MAGI2: variants seen among roughly 807,000 people sequenced by gnomAD.
MAGI2 encodes membrane associated guanylate kinase, WW and PDZ domain containing 2.
MAGI2 carries 35 observed loss-of-function variants against 133.3 expected under a neutral mutation model. The observed-to-expected ratio is 0.26, with a 90% confidence interval of 0.20 to 0.35. The LOEUF (loss-of-function observed/expected upper bound fraction) is 0.35. MAGI2 is among the 10% of genes least tolerant of loss of function. The probability of loss-of-function intolerance (pLI) is 1.00; values close to 1 mark genes in which losing one functional copy is unlikely to be tolerated. For synonymous variants in MAGI2, 729 were observed against 710.6 expected, an observed-to-expected ratio of 1.03 and a Z score of -0.41; for missense variants, 1,636 against 1,863.4, an observed-to-expected ratio of 0.88 and a Z score of 2.25.
chr7:78,996,672 A>G (rs1449745680), intron 2 of MAGI2, among the ~76,000 whole-genome samples: 3 of 152,178 alleles, frequency 2.0e-5, no homozygotes, highest in Admixed American at 6.5e-5. Flanking sequence ...AAAAGTTAAT[A>G]AAGAAAAATA....
At chr7:78,241,943 A>G (rs1438763309) in intron 10 of MAGI2, among the ~76,000 whole-genome samples, 2 of 151,682 alleles carry the variant, frequency 1.3e-5, no homozygotes. Context: ...CAAAAAAAAA[A>G]AAAGATTTCA....
At chr7:79,295,001 G>A (rs1219787061) in intron 1 of MAGI2, among the ~76,000 whole-genome samples, 1 of 151,818 alleles carries the variant, frequency 6.6e-6, no homozygotes, top group African/African-American at 2.4e-5. Flanking sequence ...GCCTCCCAAA[G>A]TGCTGGGATT....
In MAGI2 at chr7:78,216,293, T is replaced by A. The variant is rs190417275; in HGVS notation, c.2048-15100A>T. 2.0e-5 allele frequency among the ~76,000 whole-genome samples: 3 copies of A among 152,328 alleles called. No individual in the cohort carries two copies. In the East Asian group the frequency reaches 5.8e-4, roughly 29 times the overall value. ...TGCATCTGAGTAATTCACTGTCAGG[T>A]CCTGCCTGGCCTACTGCAGCCAACC... On this transcript the variant is annotated intron_variant, in intron 10 of 21. Transcript: ENST00000354212.
intron 2 of MAGI2, among the ~76,000 whole-genome samples, chr7:78,959,555 C>T (rs1335488821): frequency 3.9e-5 from 6 of 152,074 alleles, no homozygotes; most frequent in South Asian, 4.1e-4. Flanking sequence ...ACACAGGCTA[C>T]GTCATTGAAG....
At chr7:78,342,758 A>T (rs1381897941) in intron 9 of MAGI2, among the ~76,000 whole-genome samples, 2 of 152,192 alleles carry the variant, frequency 1.3e-5, no homozygotes, top group East Asian at 3.9e-4. Flanking sequence ...GAGTTGAACA[A>T]TGAGAACACA....
intron 1 of MAGI2, among the ~76,000 whole-genome samples, chr7:79,073,155 T>C (rs1024980467): frequency 1.3e-5 from 2 of 152,204 alleles, no homozygotes; most frequent in Non-Finnish European, 2.9e-5. Context: ...AATTAAACCC[T>C]TGGGGCCAAG....
chr7:78,417,756 T>C (rs17417090), intron 6 of MAGI2, among the ~76,000 whole-genome samples: 39,560 of 152,066 alleles, frequency 0.26, 5,165 homozygotes, highest in South Asian at 0.29. Context: ...TTCAATAGGT[T>C]GGATAAATTG....
rs568046503 is a variant in MAGI2 at position 78,400,070 on chromosome 7, T to C, written c.1046-30857A>G. Among the ~76,000 whole-genome samples the C allele has an allele frequency of 8.2e-4, 125 of 152,340 alleles. 6 individuals are homozygous for C. The South Asian group carries it at 0.025, about 31-fold the overall frequency. ...TTGTTCATAAATACCTGATTGCATTTGATTTGTGCAGTTTTCTGCCTCACC... is the reference window on the plus strand; with the variant it reads ...TTGTTCATAAATACCTGATTGCATTCGATTTGTGCAGTTTTCTGCCTCACC... On this transcript the variant is annotated intron_variant, in intron 6 of 21. Transcript: ENST00000354212.
intron 1 of MAGI2, chr7:79,353,340 C>T: frequency 2.5e-6 from 1 of 407,380 alleles, no homozygotes; most frequent in Non-Finnish European, 4.9e-6. Flanking sequence ...TGTCTGTGAC[C>T]ACTTTCTCTT....
At chr7:78,150,184 G>A (rs1365717113) in intron 16 of MAGI2, among the ~76,000 whole-genome samples, 2 of 152,112 alleles carry the variant, frequency 1.3e-5, no homozygotes, top group African/African-American at 4.8e-5. Flanking sequence ...GATGGAAACT[G>A]GACATCAAAA....
chr7:78,352,546 G>C (rs779950061), intron 7 of MAGI2, among the ~76,000 whole-genome samples: 1 of 152,174 alleles, frequency 6.6e-6, no homozygotes, highest in Non-Finnish European at 1.5e-5. Context: ...GGAAATGTCA[G>C]TTTGCTTTGT....
intron 2 of MAGI2, among the ~76,000 whole-genome samples, chr7:78,928,451 A>C (rs1446537050): frequency 6.6e-6 from 1 of 151,998 alleles, no homozygotes; most frequent in African/African-American, 2.4e-5. Context: ...GTCAACTTGA[A>C]GGCTCATTCC....
rs1444210215 is a variant in MAGI2 at position 78,717,351 on chromosome 7, AGCAGGAT to A, written c.419-90119_419-90113del. ...CAGAAACAGGAAAGGTATATAATTA[AGCAGGAT>A]GCAACATCTGGGAGAAGAAAAATGC... is the stretch of plus-strand genomic sequence containing the variant. On this transcript the variant is annotated intron_variant, in intron 2 of 21. Transcript: ENST00000354212. 2.0e-5 allele frequency among the ~76,000 whole-genome samples: 3 copies of A among 152,286 alleles called. No individual in the cohort carries two copies. In the East Asian group the frequency reaches 5.8e-4, roughly 29 times the overall value.
chr7:78,918,823 C>T (rs1196387609), intron 2 of MAGI2, among the ~76,000 whole-genome samples: 8 of 152,006 alleles, frequency 5.3e-5, no homozygotes, highest in Admixed American at 4.6e-4. Context: ...TAAGTTTAAA[C>T]ATCATATATA....
intron 10 of MAGI2, among the ~76,000 whole-genome samples, chr7:78,217,920 A>G (rs1460436916): frequency 6.6e-6 from 1 of 152,168 alleles, no homozygotes; most frequent in Non-Finnish European, 1.5e-5. Context: ...GCACATCATA[A>G]TCTCCTGTGT....
rs544059548 is a variant in MAGI2, at chr7:79,171,010, ATGTT to A, written c.302-163808_302-163805del. Among the ~76,000 whole-genome samples the A allele has an allele frequency of 4.4e-3, 673 of 152,146 alleles. 5 individuals are homozygous for A. Among genetic ancestry groups the A allele is most frequent in the African/African-American group, 0.016 (646 of 41,516 alleles). ...TATATCATAAACTATCATAATGTTT[ATGTT>A]TGTTTGTTTGTTTTTAAAGAGTAAA... is the stretch of plus-strand genomic sequence containing the variant. On this transcript the variant is annotated intron_variant, in intron 1 of 21. Transcript: ENST00000354212.
intron 9 of MAGI2, among the ~76,000 whole-genome samples, chr7:78,281,632 T>C (rs984529847): frequency 6.7e-6 from 1 of 150,348 alleles, no homozygotes; most frequent in Non-Finnish European, 1.5e-5. Context: ...CTAATACACA[T>C]ACATACTCTC....
At chr7:78,270,301 A>G (rs902649860) in intron 9 of MAGI2, among the ~76,000 whole-genome samples, 1 of 152,208 alleles carries the variant, frequency 6.6e-6, no homozygotes. Flanking sequence ...AATTCTGTGA[A>G]GAAAGTCAAT....
intron 1 of MAGI2, among the ~76,000 whole-genome samples, chr7:79,301,236 C>A (rs894497130): frequency 2.0e-5 from 3 of 152,220 alleles, no homozygotes; most frequent in African/African-American, 7.2e-5. Flanking sequence ...AATGGTAGAT[C>A]CACTGGCAGC....
Sources: gnomAD v4.1 joint callset for allele counts (sites outside exome capture counted in the v4.1 genomes callset) on GRCh38, gnomAD v4.1.1 for gene constraint, MANE v1.5 for transcripts, NCBI Gene and HGNC (gene_info 2026-07-23, HGNC 2026-07-21) for gene names.